Variants in LUZP2 observed in about 807,000 individuals in gnomAD.
LUZP2 encodes leucine zipper protein 2.
Under a neutral mutation model 51.6 loss-of-function variants are expected in LUZP2, and 52 were observed. The ratio of observed to expected loss-of-function variants is 1.01; its 90% CI spans 0.81 to 1.27. The LOEUF is 1.27. LUZP2 is among the 50% of genes most tolerant of loss of function. The pLI, the probability that LUZP2 is intolerant of heterozygous loss-of-function variation, is 0.00. For missense variants in LUZP2, 436 were observed against 395.4 expected (o/e 1.10, Z -0.87); for synonymous variants, 154 against 137.3 (o/e 1.12, Z -0.85).
At chr11:24,686,625 A>C (rs1037512894) in intron 1 of LUZP2, among the ~76,000 whole-genome samples, 3 of 152,106 alleles carry the variant, frequency 2.0e-5, no homozygotes, top group African/African-American at 7.2e-5. Flanking sequence ...ATAGCTTCAC[A>C]TCTGTTATTT....
Position 25,081,278 on chromosome 11 carries a change from C to T in LUZP2, c.*2620C>T, listed in dbSNP as rs1197660040. 1 of 152,098 alleles carries T rather than the reference C, an allele frequency of 6.6e-6. No homozygotes were observed. The highest frequency in any genetic ancestry group is 1.5e-5 in the Non-Finnish European group (1 of 68,062). The allele number at this position is 152,098 out of a possible 1,614,324, so 9.4% of individuals were successfully genotyped here. ...CGAACTCCTGACCTCAGGCGATCCACCTGCCTCAGTCTCCTCCCAAAATGC... is the reference window on the plus strand; with the variant it reads ...CGAACTCCTGACCTCAGGCGATCCATCTGCCTCAGTCTCCTCCCAAAATGC... On this transcript the variant is annotated 3_prime_UTR_variant, in exon 12 of 12. Coordinates refer to ENST00000336930, the MANE Select transcript of LUZP2 (RefSeq NM_001009909.4).
At chr11:24,715,306 TGC>T (rs1479375526) in intron 1 of LUZP2, among the ~76,000 whole-genome samples, 4 of 68,936 alleles carry the variant, frequency 5.8e-5, no homozygotes, top group Non-Finnish European at 1.2e-4. Flanking sequence ...TGTGTGTGTG[TGC>T]ATGCGTATTT....
At chr11:24,933,864 G>A (rs974720940) in intron 7 of LUZP2, among the ~76,000 whole-genome samples, 23 of 152,078 alleles carry the variant, frequency 1.5e-4, no homozygotes, top group African/African-American at 5.3e-4. Context: ...TGGGATGGGC[G>A]GTGGAGTTAG....
intron 4 of LUZP2, 75 bp from the exon 5 acceptor site, chr11:24,763,171 A>G: frequency 1.4e-6 from 1 of 696,858 alleles, no homozygotes; most frequent in East Asian, 3.3e-5. Flanking sequence ...TTATTTCTCA[A>G]AATAATGAAA....
At chr11:24,516,517 A>C (rs1850466981) in intron 1 of LUZP2, among the ~76,000 whole-genome samples, 1 of 152,232 alleles carries the variant, frequency 6.6e-6, no homozygotes, top group South Asian at 2.1e-4. Context: ...CACAAGGCTG[A>C]TTTATGAGTA....
chr11:24,970,145 G>A (rs1051864322), intron 7 of LUZP2, among the ~76,000 whole-genome samples: 1 of 152,024 alleles, frequency 6.6e-6, no homozygotes, highest in Non-Finnish European at 1.5e-5. Context: ...GAATTTTGGA[G>A]CCAACAGCAT....
intron 5 of LUZP2, among the ~76,000 whole-genome samples, chr11:24,861,248 T>C (rs1156229652): frequency 6.6e-6 from 1 of 151,302 alleles, no homozygotes; most frequent in African/African-American, 2.4e-5. Flanking sequence ...CAGACAAGAA[T>C]AGGGAAAAAA....
At chr11:24,537,158 A>T (rs1851201706) in intron 1 of LUZP2, among the ~76,000 whole-genome samples, 1 of 151,934 alleles carries the variant, frequency 6.6e-6, no homozygotes, top group Non-Finnish European at 1.5e-5. Flanking sequence ...AATCATGAAT[A>T]AGTTTGAAAT....
chr11:24,643,527 C>T (rs548038492), intron 1 of LUZP2, among the ~76,000 whole-genome samples: 12 of 152,210 alleles, frequency 7.9e-5, no homozygotes, highest in African/African-American at 2.4e-4. Flanking sequence ...CTTGCTAATG[C>T]GCAGTACAGA....
At chr11:24,805,598 A>C (rs1849831010) in intron 5 of LUZP2, among the ~76,000 whole-genome samples, 1 of 152,136 alleles carries the variant, frequency 6.6e-6, no homozygotes, top group Admixed American at 6.6e-5. Context: ...AAGCATCATA[A>C]ATGGTACTGG....
chr11:24,555,549 G>C (rs1851841826), intron 1 of LUZP2, among the ~76,000 whole-genome samples: 1 of 152,142 alleles, frequency 6.6e-6, no homozygotes, highest in Admixed American at 6.6e-5. Context: ...TCCACTAACT[G>C]TCATGGACTA....
rs2133888014 is a variant in LUZP2, at chr11:24,611,652, A to G, written c.62+114347A>G. On this transcript the variant is annotated intron_variant, in intron 1 of 11. Transcript: ENST00000336930. The surrounding 1 kb of genome is among the most constrained non-coding windows in gnomAD (Gnocchi z 4.6). Reference sequence around the variant, plus strand: ...ATCATAATCATTCATCGTCATCATCATCATCATCCCTGGCGTTTATTGAGC... The same window carrying G: ...ATCATAATCATTCATCGTCATCATCGTCATCATCCCTGGCGTTTATTGAGC... Among the ~76,000 whole-genome samples, 1 of 152,268 alleles carries G rather than the reference A, an allele frequency of 6.6e-6. No homozygotes were observed. The highest frequency in any genetic ancestry group is 1.9e-4 in the East Asian group (1 of 5,182).
chr11:25,016,551 T>A (rs1857162999), intron 9 of LUZP2, among the ~76,000 whole-genome samples: 1 of 152,094 alleles, frequency 6.6e-6, no homozygotes, highest in African/African-American at 2.4e-5. Flanking sequence ...TATACACACA[T>A]ACATATCATG....
rs187884120 is a variant in LUZP2 at position 24,657,433 on chromosome 11, T to C, written c.63-71736T>C. Among the ~76,000 whole-genome samples, 27 of 152,242 alleles carry C rather than the reference T, an allele frequency of 1.8e-4. No individual in the cohort carries two copies. The East Asian group carries it at 4.6e-3, about 26-fold the overall frequency. ...GGTATTGATGGGACATATTTCAAAA[T>C]AATAAGAGCTATCTATGACAAACTC... On this transcript the variant is annotated intron_variant, in intron 1 of 11. Coordinates refer to ENST00000336930, the MANE Select transcript of LUZP2 (RefSeq NM_001009909.4).
chr11:24,860,927 A>C (rs893466226), intron 5 of LUZP2, among the ~76,000 whole-genome samples: 1 of 152,216 alleles, frequency 6.6e-6, no homozygotes, highest in Non-Finnish European at 1.5e-5. Flanking sequence ...ACATTTTGCC[A>C]TCAAGGGTGC....
intron 5 of LUZP2, among the ~76,000 whole-genome samples, chr11:24,793,159 G>A (rs962758746): frequency 6.6e-6 from 1 of 152,086 alleles, no homozygotes; most frequent in Non-Finnish European, 1.5e-5. Flanking sequence ...AACAGGTCAG[G>A]TTACCTTTTC....
At chr11:24,515,241 G>A (rs919370257) in intron 1 of LUZP2, among the ~76,000 whole-genome samples, 4 of 152,070 alleles carry the variant, frequency 2.6e-5, no homozygotes, top group South Asian at 2.1e-4. Context: ...CATGTGTGAG[G>A]TAAGAGGAGA....
chr11:24,740,114 A>C (rs1418202258), intron 4 of LUZP2, among the ~76,000 whole-genome samples: 6 of 152,142 alleles, frequency 3.9e-5, no homozygotes, highest in Non-Finnish European at 8.8e-5. Flanking sequence ...GCAGAATAGA[A>C]GTGCTCACAC....
intron 1 of LUZP2, among the ~76,000 whole-genome samples, chr11:24,704,830 A>T (rs943235340): frequency 6.6e-6 from 1 of 152,174 alleles, no homozygotes; most frequent in African/African-American, 2.4e-5. Flanking sequence ...AGTAGCACTC[A>T]TAGTACAGAT....
Sources: allele counts gnomAD v4.1 joint callset (sites outside exome capture counted in the v4.1 genomes callset), GRCh38; gene constraint gnomAD v4.1.1; non-coding constraint Gnocchi (gnomAD v3.1); transcripts MANE v1.5; gene names NCBI Gene and HGNC (gene_info 2026-07-23, HGNC 2026-07-21).